The following POLR1B variants were observed in gnomAD, a reference collection of about 807,000 sequenced individuals.
The protein encoded by POLR1B is RNA polymerase I subunit B, also known as DNA-directed RNA polymerase I subunit RPA2.
A neutral mutation model predicts 105.8 loss-of-function variants in POLR1B; 30 were observed. The observed-to-expected ratio is 0.28, with a 90% CI of 0.21 to 0.38. POLR1B has a LOEUF of 0.38. Among genes scored for constraint, POLR1B ranks in the 10% least tolerant of loss-of-function variants. The pLI, the probability that POLR1B is intolerant of heterozygous loss-of-function variation, is 1.00. For synonymous variants in POLR1B, 485 were observed against 505.1 expected, an observed-to-expected ratio of 0.96 and a Z score of 0.53; for missense variants, 976 against 1,435.8, an observed-to-expected ratio of 0.68 and a Z score of 5.17.
At chr2:112,551,033 T>G in intron 5 of POLR1B, 31 bp downstream of exon 5, 3 of 1,599,386 alleles carry the variant, frequency 1.9e-6, no homozygotes, top group Non-Finnish European at 2.6e-6. Flanking sequence ...TCTTTTGTTA[T>G]GAAGAAATTC....
chr2:112,562,400 T>C (rs1373018005), intron 9 of POLR1B, among the ~76,000 whole-genome samples: 3 of 152,126 alleles, frequency 2.0e-5, no homozygotes, highest in Non-Finnish European at 4.4e-5. Flanking sequence ...GTGTCCTTGC[T>C]GAAGCAATTT....
In POLR1B at chr2:112,548,998, A is replaced by G. The variant is rs151326924; in HGVS notation, c.493-269A>G. On this transcript the variant is annotated intron_variant, in intron 3 of 14. Coordinates refer to ENST00000263331, the MANE Select transcript of POLR1B (RefSeq NM_019014.6). ...AGTCATTTTAGGGGACAGAAAGGCA[A>G]GATAGGTTGAGCCTGTCTGATAAAG... 7.4e-3 allele frequency among the ~76,000 whole-genome samples: 1,123 copies of G among 152,298 alleles called. 22 individuals carry two copies. The highest frequency in any genetic ancestry group is 0.071 in the Middle Eastern group (21 of 294).
rs111230710 is a variant in POLR1B, at chr2:112,556,079, T to G, written c.1159-1831T>G. 4.8e-3 allele frequency among the ~76,000 whole-genome samples: 731 copies of G among 152,332 alleles called. 7 individuals are homozygous for G. Among genetic ancestry groups the G allele is most frequent in the African/African-American group, 0.016 (680 of 41,582 alleles). ...AAATCAGTTGTCAAGATCCAGGGCT[T>G]CTTATTCCATCTTGACTGTGAAGAT... is the stretch of plus-strand genomic sequence containing the variant. On this transcript the variant is annotated intron_variant, in intron 7 of 14. Coordinates refer to ENST00000263331, the MANE Select transcript of POLR1B (RefSeq NM_019014.6).
intron 9 of POLR1B, among the ~76,000 whole-genome samples, chr2:112,560,297 T>G (rs1440192395): frequency 6.6e-6 from 1 of 152,030 alleles, no homozygotes; most frequent in Non-Finnish European, 1.5e-5. Flanking sequence ...AATAGACTAG[T>G]CATTAATATT....
intron 3 of POLR1B, among the ~76,000 whole-genome samples, chr2:112,548,681 T>C (rs544260714): frequency 6.6e-6 from 1 of 152,128 alleles, no homozygotes; most frequent in East Asian, 1.9e-4. Flanking sequence ...GGCGCAATCT[T>C]GGCTCACTGC....
chr2:112,564,222 A>T (rs1323386727), intron 9 of POLR1B, 144 bp from the exon 10 acceptor site: 1 of 976,280 alleles, frequency 1.0e-6, no homozygotes. Flanking sequence ...GTGCAGTTAA[A>T]AGAAATAATG....
chr2:112,552,302 T>TA (rs1683414512), intron 6 of POLR1B, among the ~76,000 whole-genome samples: 1 of 152,244 alleles, frequency 6.6e-6, no homozygotes, highest in South Asian at 2.1e-4. Flanking sequence ...CATTTACATT[T>TA]ACTTTTTTAC....
intron 14 of POLR1B, among the ~76,000 whole-genome samples, chr2:112,574,556 C>T (rs1256568503): frequency 1.3e-5 from 2 of 151,282 alleles, no homozygotes. Context: ...CCTATCTCTA[C>T]AAAAAAAATT....
intron 9 of POLR1B, among the ~76,000 whole-genome samples, chr2:112,562,788 C>A (rs1321993624): frequency 2.1e-5 from 3 of 141,244 alleles, no homozygotes; most frequent in Middle Eastern, 3.7e-3. Flanking sequence ...TGCAGTGGCG[C>A]GATCTCGGCT....
At chr2:112,558,218 A>C in intron 8 of POLR1B, 137 bp downstream of exon 8, 1 of 576,870 alleles carries the variant, frequency 1.7e-6, no homozygotes, top group Non-Finnish European at 2.6e-6. Flanking sequence ...TTCGACAACT[A>C]TTGGTCTAAA....
In POLR1B at chr2:112,549,322, T is replaced by G. The variant is rs768645506; in HGVS notation, c.548T>G (p.Ile183Ser). The G allele has an allele frequency of 1.2e-6, 2 of 1,613,764 alleles. 1 individual carries two copies. The highest frequency in any genetic ancestry group is 2.2e-5 in the South Asian group (2 of 91,060). ...NGIEKVIRML[I>S]MPRRNFPIAM... ...ATTGAAAAAGTCATCCGAATGTTGA[T>G]TATGCCTCGGAGAAATTTTCCCATT... The change falls in exon 4 of 15, where the codon ATT becomes AGT. Residue 183 changes from isoleucine (I) to serine (S), a missense_variant. Ile to Ser is a moderately radical substitution (Grantham distance 142). This residue lies in a region of POLR1B where 452 missense variants were observed against 616.5 expected (regional missense o/e 0.73). Transcript: ENST00000263331.
chr2:112,562,267 G>C (rs1365941167), intron 9 of POLR1B, among the ~76,000 whole-genome samples: 1 of 152,138 alleles, frequency 6.6e-6, no homozygotes, highest in Non-Finnish European at 1.5e-5. Context: ...AGGATTAACT[G>C]TAATTACATT....
intron 4 of POLR1B, 79 bp from the exon 5 acceptor site, chr2:112,550,786 TA>T: frequency 3.4e-6 from 5 of 1,464,494 alleles, no homozygotes; most frequent in Non-Finnish European, 4.7e-6. Context: ...TCTAAGAGGT[TA>T]AGATTGTTCA....
At chr2:112,557,352 G>A (rs989882932) in intron 7 of POLR1B, among the ~76,000 whole-genome samples, 3 of 152,160 alleles carry the variant, frequency 2.0e-5, no homozygotes, top group Admixed American at 2.0e-4. Context: ...TTTTCACTTA[G>A]TGTTGGCAGC....
intron 9 of POLR1B, 133 bp from the exon 10 acceptor site, chr2:112,564,233 C>T: frequency 9.4e-7 from 1 of 1,060,834 alleles, no homozygotes; most frequent in Non-Finnish European, 1.3e-6. Flanking sequence ...AGAAATAATG[C>T]CTGTACCTGT....
At chr2:112,569,158 G>C (rs1684457801) in intron 12 of POLR1B, among the ~76,000 whole-genome samples, 1 of 152,168 alleles carries the variant, frequency 6.6e-6, no homozygotes, top group Non-Finnish European at 1.5e-5. Flanking sequence ...CATTTTTGAA[G>C]AAAAAGGTAT....
At position 112,575,060 on chromosome 2, in the gene POLR1B, T is replaced by A; in HGVS notation, c.2739T>A (p.Ile913=). 1.2e-6 allele frequency: 2 copies of A among 1,614,212 alleles called. No individual in the cohort carries two copies. Among genetic ancestry groups the A allele is most frequent in the Non-Finnish European group, 1.7e-6 (2 of 1,180,032 alleles). ...CTGAGAGTGGGATGGTCCCAGACAT[T>A]CTGTTCAATCCCCATGGTTTTCCAT... ...PFTESGMVPD[I]LFNPHGFPSR... Residue 913 remains isoleucine (I), a synonymous_variant, in exon 15 of 15, where the codon ATT becomes ATA. Transcript: ENST00000263331. This position sits in a 1 kb window ranked among gnomAD's most constrained non-coding sequence, Gnocchi z 5.3.
chr2:112,565,018 A>G (rs1018264050), intron 10 of POLR1B, among the ~76,000 whole-genome samples: 2 of 152,110 alleles, frequency 1.3e-5, no homozygotes. Flanking sequence ...TTTGTGGTTT[A>G]TATTCTGTTC....
At position 112,546,544 on chromosome 2, in the gene POLR1B, C is replaced by CTTTTT. The variant is rs869087985; in HGVS notation, c.178-437_178-433dup. Among the ~76,000 whole-genome samples, 115 of 53,192 alleles carry CTTTTT rather than the reference C, an allele frequency of 2.2e-3. 24 individuals carry two copies. Among genetic ancestry groups the CTTTTT allele is most frequent in the Middle Eastern group, 0.024 (1 of 42 alleles). 34.9% of individuals were successfully genotyped at this position (53,192 alleles called of 152,430 possible). A position where few individuals can be genotyped will look rare whatever the true frequency, so the allele number is the denominator to read the frequency against. On this transcript the variant is annotated intron_variant, in intron 1 of 14. Transcript: ENST00000263331. ...GAAGTTATGAGTAGACTGGAGGTAG[C>CTTTTT]TTTTTTTTTTTTTTTTTTTTTTTTT... is the stretch of plus-strand genomic sequence containing the variant.
Sources: gnomAD v4.1 joint callset for allele counts (sites outside exome capture counted in the v4.1 genomes callset) on GRCh38, gnomAD v4.1.1 for gene constraint, gnomAD v4.1.1 regional missense constraint, Gnocchi (gnomAD v3.1) non-coding constraint, MANE v1.5 for transcripts, NCBI Gene and HGNC (gene_info 2026-07-23, HGNC 2026-07-21) for gene names.